The following TAF3 variants were observed in gnomAD, a reference collection of about 807,000 sequenced individuals.
TAF3 encodes transcription initiation factor TFIID subunit 3.
TAF3 carries 7 observed loss-of-function variants against 80.6 expected under a neutral mutation model. The observed-to-expected ratio is 0.09, with a 90% CI of 0.05 to 0.16. TAF3 has a LOEUF of 0.16. TAF3 is among the 10% of genes least tolerant of loss of function. The pLI is 1.00. For missense variants in TAF3, 921 were observed against 1,140.2 expected (o/e 0.81, Z 2.77); for synonymous variants, 444 against 446.1 (o/e 1.00, Z 0.06).
At chr10:7,939,565 A>G (rs976706343) in intron 2 of TAF3, among the ~76,000 whole-genome samples, 4 of 141,174 alleles carry the variant, frequency 2.8e-5, no homozygotes, top group Non-Finnish European at 6.1e-5. Context: ...AATGTAGGAA[A>G]TAGAAGAAAA....
chr10:7,980,609 C>T (rs1380331108), intron 4 of TAF3, among the ~76,000 whole-genome samples: 1 of 152,210 alleles, frequency 6.6e-6, no homozygotes, highest in Non-Finnish European at 1.5e-5. Flanking sequence ...AAAACCAAAA[C>T]CTAACCCTGA....
intron 1 of TAF3, among the ~76,000 whole-genome samples, chr10:7,821,260 T>C (rs1325794302): frequency 6.6e-6 from 1 of 152,126 alleles, no homozygotes; most frequent in Non-Finnish European, 1.5e-5. Context: ...TTATTAGATA[T>C]TTTTAGATTC....
chr10:7,912,910 G>T (rs1176761956), intron 2 of TAF3, among the ~76,000 whole-genome samples: 1 of 152,028 alleles, frequency 6.6e-6, no homozygotes, highest in Admixed American at 6.6e-5. Flanking sequence ...GTGTCTGCTC[G>T]GGCTGCCATC....
At chr10:7,864,238 T>C (rs1564351117) in intron 2 of TAF3, among the ~76,000 whole-genome samples, 1 of 152,208 alleles carries the variant, frequency 6.6e-6, no homozygotes, top group Non-Finnish European at 1.5e-5. Flanking sequence ...TACCTATTCT[T>C]CCCTCCCTTA....
intron 2 of TAF3, among the ~76,000 whole-genome samples, chr10:7,962,816 A>G (rs1166420691): frequency 6.6e-6 from 1 of 152,228 alleles, no homozygotes; most frequent in Non-Finnish European, 1.5e-5. Flanking sequence ...TTGCTGCACT[A>G]AACTGTGAGC....
Position 7,964,969 on chromosome 10 carries a change from C to A in TAF3, c.1459C>A (p.Pro487Thr). The change falls in exon 3 of 7, where the codon CCC becomes ACC. Residue 487 changes from proline to threonine, a missense_variant. Around this residue, in one of 6 missense-constraint regions of TAF3, gnomAD observed 743 missense variants for 821.0 expected, o/e 0.90. Coordinates refer to ENST00000344293, the MANE Select transcript of TAF3 (RefSeq NM_031923.4). This position sits in a 1 kb window ranked among gnomAD's most constrained non-coding sequence, Gnocchi z 4.1. The stretch of plus-strand genomic sequence containing the variant: ...ACTGGGAACACCTTCAAATATGCCC[C>A]CCAACTTTCCTTATATCTCTTCTCC... Reference protein sequence around the residue: ...AKLGTPSNMPPNFPYISSPSV... With the variant: ...AKLGTPSNMPTNFPYISSPSV... 3 of 1,614,100 alleles carry A rather than the reference C, an allele frequency of 1.9e-6. No homozygotes were observed. Among genetic ancestry groups the A allele is most frequent in the Non-Finnish European group, 2.5e-6 (3 of 1,180,028 alleles).
In TAF3 at chr10:7,824,456, G is replaced by GA; in HGVS notation, c.305_306insA (p.Ser102ArgfsTer14). 1 of 1,614,100 alleles carries GA rather than the reference G, an allele frequency of 6.2e-7. No individual in the cohort carries two copies. Among genetic ancestry groups the GA allele is most frequent in the African/African-American group, 1.3e-5 (1 of 75,018 alleles). On this transcript the variant is annotated frameshift_variant, in exon 2 of 7. Coordinates refer to ENST00000344293, the MANE Select transcript of TAF3 (RefSeq NM_031923.4). LOFTEE classifies it high-confidence loss of function. ...CACCAAATTCCGTCATTTCCTGTTA[G>GA]CAAGAACAATGTACTTCAGTTTCCT...
At chr10:7,988,752 GAAA>G (rs56395044) in intron 4 of TAF3, among the ~76,000 whole-genome samples, 2,078 of 92,828 alleles carry the variant, frequency 0.022, 28 homozygotes, top group South Asian at 0.077. Flanking sequence ...CTGTCTCTCA[GAAA>G]AAAAAAAAAA....
intron 4 of TAF3, among the ~76,000 whole-genome samples, chr10:7,990,697 TA>T: frequency 6.6e-6 from 1 of 152,218 alleles, no homozygotes; most frequent in East Asian, 1.9e-4. Flanking sequence ...ACATCTAAAT[TA>T]AAACAATTCA....
At position 8,014,889 on chromosome 10, in the gene TAF3, G is replaced by A. The variant is rs1047259728; in HGVS notation, c.*138G>A. ...AAAGAACCCAGGAGGACTGAGGCTG[G>A]AACACACCGCGCACCTGGATTGTTC... On this transcript the variant is annotated 3_prime_UTR_variant, in exon 7 of 7. Coordinates refer to ENST00000344293, the MANE Select transcript of TAF3 (RefSeq NM_031923.4). 10 of 717,334 alleles carry A rather than the reference G, an allele frequency of 1.4e-5. No individual in the cohort carries two copies. The African/African-American group carries it at 1.8e-4, about 13-fold the overall frequency. 44.4% of individuals were successfully genotyped at this position (717,334 alleles called of 1,614,324 possible).
intron 3 of TAF3, among the ~76,000 whole-genome samples, chr10:7,969,206 A>G (rs1354316075): frequency 6.6e-6 from 1 of 152,188 alleles, no homozygotes; most frequent in African/African-American, 2.4e-5. Context: ...ATGGTGTTGC[A>G]CATCTGGAGT....
At chr10:7,966,951 TA>T (rs1324038591) in intron 3 of TAF3, among the ~76,000 whole-genome samples, 4 of 152,206 alleles carry the variant, frequency 2.6e-5, no homozygotes, top group African/African-American at 9.6e-5. Context: ...TATTTCCATT[TA>T]AAAAATCATT....
chr10:7,983,873 T>G (rs1483956383), intron 4 of TAF3, among the ~76,000 whole-genome samples: 3 of 147,028 alleles, frequency 2.0e-5, no homozygotes, highest in African/African-American at 7.9e-5. Flanking sequence ...TAAATAAATT[T>G]TTAAAAAGCA....
chr10:7,995,910 A>G (rs1044785189), intron 4 of TAF3, among the ~76,000 whole-genome samples: 2 of 152,238 alleles, frequency 1.3e-5, no homozygotes, highest in Admixed American at 6.5e-5. Context: ...ACCGATTCTC[A>G]TAATTGTCTT....
intron 2 of TAF3, among the ~76,000 whole-genome samples, chr10:7,863,628 T>TATATATATATATATATATATATATA (rs1837172581): frequency 1.9e-5 from 1 of 51,846 alleles, no homozygotes; most frequent in African/African-American, 7.8e-5. Flanking sequence ...AAAAAAAAAA[T>TATATATATATATATATATATATATA]ATATATATAT....
intron 2 of TAF3, among the ~76,000 whole-genome samples, chr10:7,847,373 G>T (rs985193618): frequency 6.6e-6 from 1 of 152,176 alleles, no homozygotes; most frequent in African/African-American, 2.4e-5. Flanking sequence ...TGTTCTGAAA[G>T]AATATATGAG....
intron 2 of TAF3, among the ~76,000 whole-genome samples, chr10:7,829,428 C>A (rs546578034): frequency 2.2e-4 from 34 of 152,286 alleles, no homozygotes; most frequent in South Asian, 6.2e-4. Flanking sequence ...GTTTGGTTGT[C>A]ACGTCTCCTT....
intron 2 of TAF3, among the ~76,000 whole-genome samples, chr10:7,923,180 A>G (rs1279346074): frequency 1.3e-5 from 2 of 152,094 alleles, no homozygotes; most frequent in East Asian, 1.9e-4. Flanking sequence ...CTAACATTCT[A>G]TATCCTCGAT....
chr10:7,832,843 C>T (rs970533874), intron 2 of TAF3, among the ~76,000 whole-genome samples: 1 of 152,190 alleles, frequency 6.6e-6, no homozygotes, highest in Non-Finnish European at 1.5e-5. Flanking sequence ...AGCCACTGCA[C>T]CTGGCCCAGC....
Sources: allele counts gnomAD v4.1 joint callset (sites outside exome capture counted in the v4.1 genomes callset), GRCh38; gene constraint gnomAD v4.1.1; regional missense constraint gnomAD v4.1.1; non-coding constraint Gnocchi (gnomAD v3.1); transcripts MANE v1.5; gene names NCBI Gene and HGNC (gene_info 2026-07-23, HGNC 2026-07-21).